Variants in RUBCN observed in about 807,000 individuals in gnomAD.
RUBCN encodes the protein rubicon autophagy regulator.
Under a neutral mutation model 113.2 loss-of-function variants are expected in RUBCN, and 74 were observed. That is an observed-to-expected ratio of 0.65 (90% CI 0.54 to 0.79). The LOEUF is 0.79. RUBCN is among the 30% of genes least tolerant of loss of function. The pLI is 0.00. For missense variants in RUBCN, 1,109 were observed against 1,251.7 expected (o/e 0.89, Z 1.72); for synonymous variants, 480 against 490.0 (o/e 0.98, Z 0.27).
chr3:197,709,415 C>T (rs1182958313), intron 2 of RUBCN, among the ~76,000 whole-genome samples: 1 of 152,064 alleles, frequency 6.6e-6, no homozygotes, highest in Non-Finnish European at 1.5e-5. Context: ...GAGTTTCTCT[C>T]TGTTGCCCAA....
chr3:197,683,373 C>T lies in RUBCN; in HGVS notation c.1914G>A (p.Glu638=), dbSNP rs1271515992. 1.2e-6 allele frequency: 2 copies of T among 1,614,202 alleles called. No individual in the cohort carries two copies. The highest frequency in any genetic ancestry group is 2.2e-5 in the East Asian group (1 of 44,880). ...CCGAGGCGGCTGGAAGCTGCATCCC[C>T]TCAAACTGCTTCAGGAGCCCCATGG... The part of the protein sequence containing the change: ...AVAMGLLKQF[E]GMQLPAASEL... Residue 638 remains glutamate (E), a synonymous_variant, in exon 13 of 20, where the codon GAG becomes GAA. Transcript: ENST00000296343. This position sits in a 1 kb window ranked among gnomAD's most constrained non-coding sequence, Gnocchi z 4.6.
upstream of RUBCN, among the ~76,000 whole-genome samples, chr3:197,741,538 ATATAGGAAC>A (rs1728524049): frequency 1.3e-5 from 2 of 152,256 alleles, no homozygotes; most frequent in South Asian, 4.1e-4. Context: ...TTATTCAATT[ATATAGGAAC>A]TGGCTGGGCA....
intron 1 of RUBCN, among the ~76,000 whole-genome samples, chr3:197,721,236 G>A (rs1487267329): frequency 1.3e-5 from 2 of 152,068 alleles, no homozygotes; most frequent in Admixed American, 6.6e-5. Context: ...TGACAACATC[G>A]GGCCCTGGGC....
At chr3:197,684,780 C>T (rs1721657683) in intron 11 of RUBCN, among the ~76,000 whole-genome samples, 1 of 151,624 alleles carries the variant, frequency 6.6e-6, no homozygotes, top group African/African-American at 2.4e-5. Flanking sequence ...CATTTAGTGC[C>T]TAACACATAA....
At position 197,681,047 on chromosome 3, in the gene RUBCN, G is replaced by T; in HGVS notation, c.2430+82C>A. 2 of 701,822 alleles carry T rather than the reference G, an allele frequency of 2.8e-6. No homozygotes were observed. The highest frequency in any genetic ancestry group is 2.2e-5 in the Admixed American group (1 of 46,156). The allele number at this position is 701,822 out of a possible 1,614,324, so 43.5% of individuals were successfully genotyped here. ...AGGGGACAAGAGGAGGGGATGGGGG[G>T]AGGGGACGGGGGAGGGACGAGGGGA... On this transcript the variant is annotated intron_variant, in intron 16 of 19. Coordinates refer to ENST00000296343, the MANE Select transcript of RUBCN (RefSeq NM_014687.4). The surrounding 1 kb of genome is among the most constrained non-coding windows in gnomAD (Gnocchi z 5.5).
chr3:197,686,160 G>A (rs1193379779), intron 11 of RUBCN, among the ~76,000 whole-genome samples: 5 of 151,998 alleles, frequency 3.3e-5, no homozygotes, highest in African/African-American at 1.2e-4. Flanking sequence ...ATGCCAGAAA[G>A]AACAGACAGG....
In RUBCN at chr3:197,700,219, T is replaced by C. The variant is rs974925266; in HGVS notation, c.1261+394A>G. ...CCAGTATCTCTCTGCCTCTCTCACA[T>C]TGGTATTATTACACCCTGGGCAAAC... On this transcript the variant is annotated intron_variant, in intron 7 of 19. Coordinates refer to ENST00000296343, the MANE Select transcript of RUBCN (RefSeq NM_014687.4). 4.6e-5 allele frequency among the ~76,000 whole-genome samples: 7 copies of C among 152,194 alleles called. No homozygotes were observed. The South Asian group carries it at 6.2e-4, about 14-fold the overall frequency.
At chr3:197,725,030 A>C (rs1434792652) in intron 1 of RUBCN, among the ~76,000 whole-genome samples, 1 of 152,158 alleles carries the variant, frequency 6.6e-6, no homozygotes, top group African/African-American at 2.4e-5. Context: ...AAACTAAAAA[A>C]ATCCCTCCCC....
intron 1 of RUBCN, among the ~76,000 whole-genome samples, chr3:197,719,251 TG>T (rs931973164): frequency 6.6e-6 from 1 of 151,692 alleles, no homozygotes; most frequent in African/African-American, 2.4e-5. Context: ...CTGAGGCGGG[TG>T]GATCACCTGA....
chr3:197,727,326 G>T (rs1007605609), intron 1 of RUBCN, among the ~76,000 whole-genome samples: 2 of 152,172 alleles, frequency 1.3e-5, no homozygotes, highest in African/African-American at 4.8e-5. Flanking sequence ...GCTTCACAGA[G>T]GAGGGTGTAA....
At position 197,681,446 on chromosome 3, in the gene RUBCN, G is replaced by C. The variant is rs1227605739; in HGVS notation, c.2192-79C>G. On this transcript the variant is annotated intron_variant, in intron 15 of 19. Transcript: ENST00000296343. The surrounding 1 kb of genome is among the most constrained non-coding windows in gnomAD (Gnocchi z 5.5). The stretch of plus-strand genomic sequence containing the variant: ...GGGAAGGCAGCTCTGCTTTTCCCTT[G>C]AAAGGGCAGAGAGGGACAGCCAATG... The C allele has an allele frequency of 6.3e-6, 7 of 1,117,348 alleles. No individual in the cohort carries two copies. The East Asian group carries it at 1.7e-4, about 27-fold the overall frequency. 69.2% of individuals were successfully genotyped at this position (1,117,348 alleles called of 1,614,324 possible).
chr3:197,701,302 G>A (rs912658750), intron 6 of RUBCN, among the ~76,000 whole-genome samples, 156 bp from the exon 7 acceptor site: 1 of 152,268 alleles, frequency 6.6e-6, no homozygotes, highest in Admixed American at 6.5e-5. Context: ...TCAAGAGTAT[G>A]GGCTCCTGAG....
intron 1 of RUBCN, among the ~76,000 whole-genome samples, chr3:197,730,885 C>CTTTTTTTTTTTTTTTTT (rs71166707): frequency 2.0e-5 from 1 of 49,994 alleles, no homozygotes; most frequent in Non-Finnish European, 3.6e-5. Flanking sequence ...TTAAAAGCAT[C>CTTTTTTTTTTTTTTTTT]TTTTTTTTTT....
intron 2 of RUBCN, among the ~76,000 whole-genome samples, chr3:197,709,971 G>A (rs995479135): frequency 6.6e-6 from 1 of 151,866 alleles, no homozygotes; most frequent in Admixed American, 6.6e-5. Flanking sequence ...AGGAGTTCGA[G>A]GCCAGCCTGG....
chr3:197,718,758 A>G (rs937464593), intron 1 of RUBCN, among the ~76,000 whole-genome samples: 1 of 152,164 alleles, frequency 6.6e-6, no homozygotes, highest in Non-Finnish European at 1.5e-5. Context: ...TTTCTTAACA[A>G]TGACAGTACC....
At chr3:197,720,185 T>TC (rs1477016575) in intron 1 of RUBCN, among the ~76,000 whole-genome samples, 1 of 152,056 alleles carries the variant, frequency 6.6e-6, no homozygotes, top group African/African-American at 2.4e-5. Context: ...CCTCCTACCC[T>TC]CCTCATCCTC....
chr3:197,668,999 G>T lies in RUBCN; in HGVS notation c.*6019C>A, dbSNP rs1255411788. On this transcript the variant is annotated 3_prime_UTR_variant, in exon 20 of 20. Coordinates refer to ENST00000296343, the MANE Select transcript of RUBCN (RefSeq NM_014687.4). ...TAATTTTTACGTATGTTTTCCTTAT[G>T]TATTTTTTCTAACCATATTTTTGCA... Among the ~76,000 whole-genome samples, 1 of 152,132 alleles carries T rather than the reference G, an allele frequency of 6.6e-6. No homozygotes were observed. Among genetic ancestry groups the T allele is most frequent in the African/African-American group, 2.4e-5 (1 of 41,408 alleles).
intron 1 of RUBCN, among the ~76,000 whole-genome samples, chr3:197,718,680 C>T (rs189138683): frequency 1.3e-5 from 2 of 152,160 alleles, no homozygotes; most frequent in East Asian, 3.9e-4. Flanking sequence ...CTCAAGTGAT[C>T]CTCCCACCTC....
chr3:197,696,904 G>T, intron 8 of RUBCN, 50 bp downstream of exon 8: 3 of 978,432 alleles, frequency 3.1e-6, no homozygotes, highest in Non-Finnish European at 5.0e-6. Flanking sequence ...AGGCACAAGG[G>T]GTGAGCAGAG....
Sources: gnomAD v4.1 joint callset for allele counts (sites outside exome capture counted in the v4.1 genomes callset) on GRCh38, gnomAD v4.1.1 for gene constraint, Gnocchi (gnomAD v3.1) non-coding constraint, MANE v1.5 for transcripts, NCBI Gene and HGNC (gene_info 2026-07-23, HGNC 2026-07-21) for gene names.